The following ARHGAP26 variants were observed in gnomAD, a reference collection of about 807,000 sequenced individuals.
The protein encoded by ARHGAP26 is Rho GTPase activating protein 26, also known as rho GTPase-activating protein 26.
ARHGAP26 carries 38 observed loss-of-function variants against 104.8 expected under a neutral mutation model. The observed-to-expected ratio is 0.36, with a 90% CI of 0.28 to 0.48. The LOEUF (loss-of-function observed/expected upper bound fraction) is 0.48. Ranked by LOEUF, ARHGAP26 falls within the 20% of genes least tolerant of loss-of-function variation. ARHGAP26 has a pLI of 0.99. For missense variants in ARHGAP26, 704 were observed against 947.9 expected (o/e 0.74, Z 3.38); for synonymous variants, 341 against 340.0 (o/e 1.00, Z -0.03).
At chr5:142,889,898 G>GCTGAGGTGGACAGATCAC (rs1229911622) in intron 5 of ARHGAP26, among the ~76,000 whole-genome samples, 10 of 151,722 alleles carry the variant, frequency 6.6e-5, no homozygotes, top group Non-Finnish European at 1.2e-4. Flanking sequence ...ACTTTGGGAG[G>GCTGAGGTGGACAGATCAC]CTGAGGTGGA....
chr5:142,850,186 C>T (rs1046283104), intron 1 of ARHGAP26, among the ~76,000 whole-genome samples: 2 of 152,176 alleles, frequency 1.3e-5, no homozygotes, highest in Non-Finnish European at 1.5e-5. Context: ...TACTATTTCC[C>T]GTGTGTGCAG....
intron 22 of ARHGAP26, 107 bp from the exon 23 acceptor site, chr5:143,222,250 CA>C (rs1811276192): frequency 3.3e-5 from 1 of 30,448 alleles, no homozygotes; most frequent in Admixed American, 7.3e-4. Flanking sequence ...CCTTCATACA[CA>C]CACACACACA....
At chr5:143,018,135 G>A (rs1779839823) in intron 12 of ARHGAP26, among the ~76,000 whole-genome samples, 1 of 152,136 alleles carries the variant, frequency 6.6e-6, no homozygotes. Context: ...AGTTTACTGG[G>A]TTTCCTCTTC....
chr5:142,891,537 T>C (rs1360463218), intron 5 of ARHGAP26, among the ~76,000 whole-genome samples: 1 of 152,014 alleles, frequency 6.6e-6, no homozygotes, highest in African/African-American at 2.4e-5. Flanking sequence ...TTTACTATGC[T>C]GTAAGTTCTA....
At chr5:142,806,450 C>T (rs57835905) in intron 1 of ARHGAP26, among the ~76,000 whole-genome samples, 5,499 of 147,478 alleles carry the variant, frequency 0.037, 198 homozygotes, top group East Asian at 0.14. Context: ...TTGTACATGG[C>T]ATAATAAGTT....
chr5:143,008,225 C>T (rs1172390973), intron 11 of ARHGAP26, among the ~76,000 whole-genome samples: 1 of 152,130 alleles, frequency 6.6e-6, no homozygotes, highest in East Asian at 1.9e-4. Flanking sequence ...TACTATCCCC[C>T]TTTTTCAGAT....
chr5:143,105,901 AG>A (rs1253950645), intron 17 of ARHGAP26, among the ~76,000 whole-genome samples: 1 of 152,182 alleles, frequency 6.6e-6, no homozygotes, highest in Non-Finnish European at 1.5e-5. Flanking sequence ...ATTGCCAAAT[AG>A]AGAAGAGACT....
At chr5:143,021,079 A>G (rs1780279407) in intron 12 of ARHGAP26, among the ~76,000 whole-genome samples, 1 of 152,240 alleles carries the variant, frequency 6.6e-6, no homozygotes, top group Admixed American at 6.5e-5. Context: ...CTCATTGTAG[A>G]ATATTACAGA....
chr5:143,110,027 G>A (rs1794576103), intron 17 of ARHGAP26, among the ~76,000 whole-genome samples: 1 of 152,138 alleles, frequency 6.6e-6, no homozygotes, highest in Non-Finnish European at 1.5e-5. Flanking sequence ...ATGCCACCCA[G>A]GTACTTACCC....
At chr5:143,052,714 A>G (rs1046328890) in intron 14 of ARHGAP26, among the ~76,000 whole-genome samples, 5 of 152,190 alleles carry the variant, frequency 3.3e-5, no homozygotes, top group African/African-American at 1.2e-4. Flanking sequence ...ATGATAGGCT[A>G]AATCCTGAAG....
chr5:143,093,303 G>C (rs1791738119), intron 17 of ARHGAP26, among the ~76,000 whole-genome samples: 1 of 152,088 alleles, frequency 6.6e-6, no homozygotes, highest in African/African-American at 2.4e-5. Flanking sequence ...CGGGTTACTA[G>C]GTTAAAGATT....
intron 5 of ARHGAP26, among the ~76,000 whole-genome samples, chr5:142,886,926 C>T (rs1285799522): frequency 6.6e-6 from 1 of 152,172 alleles, no homozygotes; most frequent in Non-Finnish European, 1.5e-5. Flanking sequence ...TAAAGAAAAG[C>T]TTTTTGGCTG....
At chr5:142,820,458 CAAA>C (rs900508694) in intron 1 of ARHGAP26, among the ~76,000 whole-genome samples, 1 of 151,552 alleles carries the variant, frequency 6.6e-6, no homozygotes, top group Non-Finnish European at 1.5e-5. Context: ...AAAAAACAAA[CAAA>C]AAAAACCCAC....
chr5:142,926,019 CAG>C (rs1763851634), intron 10 of ARHGAP26, among the ~76,000 whole-genome samples: 1 of 152,104 alleles, frequency 6.6e-6, no homozygotes, highest in Non-Finnish European at 1.5e-5. Flanking sequence ...ATTGTTGACT[CAG>C]ATTCAGGAAT....
rs530678090 is a variant in ARHGAP26, at chr5:142,813,037, A to C, written c.154+42122A>C. 4.1e-5 allele frequency among the ~76,000 whole-genome samples: 6 copies of C among 148,056 alleles called. No homozygotes were observed. In the East Asian group the frequency reaches 1.2e-3, roughly 30 times the overall value. ...ACTGCAAGCTCCGCCTCCTGGGTTC[A>C]CGCCATTCTCCTGCCTTAGCCTCCT... On this transcript the variant is annotated intron_variant, in intron 1 of 22. Transcript: ENST00000645722.
Position 142,935,739 on chromosome 5 carries a change from G to A in ARHGAP26, c.1107+3614G>A, listed in dbSNP as rs939110680. ...AGGTCATCTTCCTCTGAGAGAAAAA[G>A]CATTGTTGTATGAGGGAAGGAGGTA... On this transcript the variant is annotated intron_variant, in intron 11 of 22. Transcript: ENST00000645722. Among the ~76,000 whole-genome samples the A allele has an allele frequency of 1.7e-4, 26 of 152,182 alleles. 1 individual carries two copies. The highest frequency in any genetic ancestry group is 1.9e-4 in the Non-Finnish European group (13 of 68,026).
At position 143,225,029 on chromosome 5, in the gene ARHGAP26, G is replaced by A. The variant is rs1811545140; in HGVS notation, c.*2583G>A. 8.9e-6 allele frequency: 2 copies of A among 224,340 alleles called. No individual in the cohort carries two copies. Among genetic ancestry groups the A allele is most frequent in the Non-Finnish European group, 1.8e-5 (2 of 112,550 alleles). The allele number at this position is 224,340 out of a possible 1,614,324, so 13.9% of individuals were successfully genotyped here. A position where few individuals can be genotyped will look rare whatever the true frequency, so the allele number is the denominator to read the frequency against. ...AAGAAAGCCACTGGGGAAAACTCGAGAAGAAAGGGAGTATACTAGTAGGTT... is the reference window on the plus strand; with the variant it reads ...AAGAAAGCCACTGGGGAAAACTCGAAAAGAAAGGGAGTATACTAGTAGGTT... On this transcript the variant is annotated 3_prime_UTR_variant, in exon 23 of 23. Transcript: ENST00000645722.
intron 1 of ARHGAP26, among the ~76,000 whole-genome samples, chr5:142,853,400 G>A (rs1205065756): frequency 1.3e-5 from 2 of 151,834 alleles, no homozygotes; most frequent in Non-Finnish European, 2.9e-5. Flanking sequence ...CATGTTGGCC[G>A]GGCTGGTCTC....
chr5:142,783,704 T>G (rs1339567878), intron 1 of ARHGAP26, among the ~76,000 whole-genome samples: 1 of 152,164 alleles, frequency 6.6e-6, no homozygotes, highest in Non-Finnish European at 1.5e-5. Flanking sequence ...TCTCAGCTGG[T>G]TCTCACCCTT....
Sources: gnomAD v4.1 joint callset for allele counts (sites outside exome capture counted in the v4.1 genomes callset) on GRCh38, gnomAD v4.1.1 for gene constraint, MANE v1.5 for transcripts, NCBI Gene and HGNC (gene_info 2026-07-23, HGNC 2026-07-21) for gene names.